The following KLRF1 variants were observed in gnomAD, a reference collection of about 807,000 sequenced individuals.
KLRF1 encodes killer cell lectin-like receptor subfamily F member 1.
Under a neutral mutation model 30.7 loss-of-function variants are expected in KLRF1, and 27 were observed. The observed-to-expected ratio is 0.88, with a 90% CI of 0.65 to 1.21. KLRF1 has a LOEUF of 1.21. KLRF1 is among the 50% of genes most tolerant of loss of function. The pLI, the probability that KLRF1 is intolerant of heterozygous loss-of-function variation, is 0.00. For missense variants in KLRF1, 246 were observed against 259.3 expected (o/e 0.95, Z 0.35); for synonymous variants, 92 against 89.3 (o/e 1.03, Z -0.17).
Position 9,840,579 on chromosome 12 carries a change from A to G in KLRF1, c.335-1233A>G, listed in dbSNP as rs141350028. ...TCAGTTATTAAGAGGTTGAAAATAA[A>G]GAAGTTGAAAATAAATTGTTATTCT... is the stretch of plus-strand genomic sequence containing the variant. On this transcript the variant is annotated intron_variant, in intron 3 of 5. Coordinates refer to ENST00000617889, the MANE Select transcript of KLRF1 (RefSeq NM_016523.3). Among the ~76,000 whole-genome samples, 544 of 152,208 alleles carry G rather than the reference A, an allele frequency of 3.6e-3. 4 individuals carry two copies. Among genetic ancestry groups the G allele is most frequent in the African/African-American group, 0.013 (530 of 41,534 alleles).
the KLRF1 span, among the ~76,000 whole-genome samples, chr12:9,801,320 G>C: frequency 2.6e-5 from 4 of 151,982 alleles, no homozygotes; most frequent in African/African-American, 9.7e-5. Context: ...GTCTGCATGT[G>C]TCTTTATAGT....
intron 3 of KLRF1, among the ~76,000 whole-genome samples, chr12:9,838,793 T>C (rs1867642174): frequency 6.6e-6 from 1 of 152,146 alleles, no homozygotes; most frequent in Non-Finnish European, 1.5e-5. Flanking sequence ...AGCACCTCTA[T>C]TGGATAATTG....
At chr12:9,844,328 T>G in intron 5 of KLRF1, 90 bp from the exon 6 acceptor site, 1 of 681,394 alleles carries the variant, frequency 1.5e-6, no homozygotes, top group Admixed American at 2.8e-5. Flanking sequence ...TTTGAATTAC[T>G]TTTTTATTTA....
chr12:9,830,315 A>T (rs1378419929), intron 1 of KLRF1, among the ~76,000 whole-genome samples: 1 of 151,682 alleles, frequency 6.6e-6, no homozygotes, highest in Non-Finnish European at 1.5e-5. Flanking sequence ...TAGTTTTTCA[A>T]TTGATTCTTT....
chr12:9,833,471 G>A lies in KLRF1; in HGVS notation c.334+19G>A. On this transcript the variant is annotated intron_variant, in intron 3 of 5. Coordinates refer to ENST00000617889, the MANE Select transcript of KLRF1 (RefSeq NM_016523.3). ...CAGACAGGTATGTCTCAAGGCTTTG[G>A]CTTATCCTAGTTTTAATCTTTTGGA... is the stretch of plus-strand genomic sequence containing the variant. 2.5e-6 allele frequency: 4 copies of A among 1,569,782 alleles called. No homozygotes were observed. The highest frequency in any genetic ancestry group is 3.4e-6 in the Non-Finnish European group (4 of 1,163,294).
intron 3 of KLRF1, among the ~76,000 whole-genome samples, chr12:9,838,443 T>C (rs912646326): frequency 6.6e-6 from 1 of 152,108 alleles, no homozygotes; most frequent in African/African-American, 2.4e-5. Flanking sequence ...GATGCTTTCA[T>C]CCCGGTTGTC....
intron 3 of KLRF1, among the ~76,000 whole-genome samples, chr12:9,838,942 T>C (rs949453249): frequency 1.3e-5 from 2 of 152,112 alleles, no homozygotes; most frequent in Non-Finnish European, 2.9e-5. Flanking sequence ...ATGAACTGAA[T>C]TGTGCCCTCC....
rs746259637 is a variant in KLRF1, at chr12:9,833,339, GT to G, written c.223del (p.Cys75ValfsTer13). The G allele has an allele frequency of 1.7e-5, 27 of 1,605,048 alleles. 1 individual carries two copies. In the South Asian group the frequency reaches 3.0e-4, roughly 18 times the overall value. On this transcript the variant is annotated frameshift_variant, in exon 3 of 6. Transcript: ENST00000617889. LOFTEE classifies it high-confidence loss of function. Reference sequence around the variant, plus strand: ...GTATTGCTAAAATGCCAAAAAGGAAGTTGTTCAAATGCCACTCAGTATGAGG... The same window carrying G: ...GTATTGCTAAAATGCCAAAAAGGAAGTGTTCAAATGCCACTCAGTATGAGG... ...QGVLLKCQKG[S>X]CSNATQYEDT...
chr12:9,821,664 A>G, the KLRF1 span, among the ~76,000 whole-genome samples: 1 of 152,336 alleles, frequency 6.6e-6, no homozygotes, highest in East Asian at 1.9e-4. Context: ...TTGGAGAGGA[A>G]ACATAAACAC....
chr12:9,808,249 T>C, the KLRF1 span, among the ~76,000 whole-genome samples: 2 of 152,160 alleles, frequency 1.3e-5, no homozygotes, highest in Non-Finnish European at 1.5e-5. Context: ...TCCAGTACCA[T>C]AGAAAATTCC....
chr12:9,834,170 C>A (rs1867517221), intron 3 of KLRF1, among the ~76,000 whole-genome samples: 1 of 151,782 alleles, frequency 6.6e-6, no homozygotes. Flanking sequence ...TCAGTTAAGG[C>A]AAGGACTGGC....
the KLRF1 span, among the ~76,000 whole-genome samples, chr12:9,801,556 G>C: frequency 6.6e-6 from 1 of 151,908 alleles, no homozygotes; most frequent in Non-Finnish European, 1.5e-5. Context: ...GGTGTGAGAT[G>C]GTATCTCATT....
chr12:9,832,406 TC>T lies in KLRF1; in HGVS notation c.178del (p.Leu60CysfsTer9). On this transcript the variant is annotated frameshift_variant, in exon 2 of 6. Coordinates refer to ENST00000617889, the MANE Select transcript of KLRF1 (RefSeq NM_016523.3). LOFTEE classifies it high-confidence loss of function. ...GILTLTLISL[I>X]LLVSQGVLLK... ...CTCACTTTGACTTTGATCTCCTTGA[TC>T]CTGTTGGGTAAGTTTAGAAGATCTT... The T allele has an allele frequency of 6.4e-7, 1 of 1,571,176 alleles. No homozygotes were observed. Among genetic ancestry groups the T allele is most frequent in the South Asian group, 1.1e-5 (1 of 89,736 alleles).
At position 9,844,874 on chromosome 12, in the gene KLRF1, A is replaced by C. The variant is rs1024641039; in HGVS notation, c.*348A>C. The C allele has an allele frequency of 6.5e-6, 1 of 154,906 alleles. No homozygotes were observed. Among genetic ancestry groups the C allele is most frequent in the African/African-American group, 2.4e-5 (1 of 41,504 alleles). 9.6% of individuals were successfully genotyped at this position (154,906 alleles called of 1,614,324 possible). A position where few individuals can be genotyped will look rare whatever the true frequency, so the allele number is the denominator to read the frequency against. On this transcript the variant is annotated 3_prime_UTR_variant, in exon 6 of 6. Transcript: ENST00000617889. Reference sequence around the variant, plus strand: ...AATAAGGTCCTAAACAAAATTTCTTATATTTCTAATGGTTGAATTATAATG... The same window carrying C: ...AATAAGGTCCTAAACAAAATTTCTTCTATTTCTAATGGTTGAATTATAATG...
At chr12:9,821,766 A>C in the KLRF1 span, among the ~76,000 whole-genome samples, 1 of 152,248 alleles carries the variant, frequency 6.6e-6, no homozygotes, top group Non-Finnish European at 1.5e-5. Context: ...CCAAACTTTC[A>C]GAGCATTGAG....
the KLRF1 span, among the ~76,000 whole-genome samples, chr12:9,807,728 T>C: frequency 6.6e-6 from 1 of 152,162 alleles, no homozygotes; most frequent in African/African-American, 2.4e-5. Flanking sequence ...AAAGTAAGTC[T>C]GCTATCAATG....
At chr12:9,834,664 A>G (rs1216360360) in intron 3 of KLRF1, among the ~76,000 whole-genome samples, 1 of 152,148 alleles carries the variant, frequency 6.6e-6, no homozygotes, top group African/African-American at 2.4e-5. Context: ...AAGAAGGAGA[A>G]AAATAGGTAT....
At chr12:9,820,180 C>T in the KLRF1 span, among the ~76,000 whole-genome samples, 1 of 152,246 alleles carries the variant, frequency 6.6e-6, no homozygotes, top group African/African-American at 2.4e-5. Flanking sequence ...TGGAACCTCC[C>T]TGGGATGGAG....
At chr12:9,825,143 A>G (rs1369354787), upstream of KLRF1, among the ~76,000 whole-genome samples, 1 of 152,208 alleles carries the variant, frequency 6.6e-6, no homozygotes, top group Non-Finnish European at 1.5e-5. Flanking sequence ...TGGAACAGAA[A>G]AATTAGCCCA....
Sources: gnomAD v4.1 joint callset for allele counts (sites outside exome capture counted in the v4.1 genomes callset) on GRCh38, gnomAD v4.1.1 for gene constraint, MANE v1.5 for transcripts, NCBI Gene and HGNC (gene_info 2026-07-23, HGNC 2026-07-21) for gene names.